Variants in DACH1 observed in about 807,000 individuals in gnomAD.
DACH1 encodes dachshund homolog 1.
A neutral mutation model predicts 54.2 loss-of-function variants in DACH1; 12 were observed. The observed-to-expected ratio is 0.22, with a 90% CI of 0.14 to 0.36. DACH1 has a LOEUF of 0.36. Ranked by LOEUF, DACH1 falls within the 10% of genes least tolerant of loss-of-function variation. DACH1 has a pLI of 1.00. For synonymous variants in DACH1, 386 were observed against 366.2 expected, an observed-to-expected ratio of 1.05 and a Z score of -0.62; for missense variants, 805 against 929.8, an observed-to-expected ratio of 0.87 and a Z score of 1.75.
chr13:71,629,597 C>T (rs1219769706), intron 3 of DACH1, among the ~76,000 whole-genome samples: 1 of 152,020 alleles, frequency 6.6e-6, no homozygotes, highest in African/African-American at 2.4e-5. Context: ...TTAACTATGT[C>T]TTAATGGATT....
rs1436618309 is a variant in DACH1, at chr13:71,439,479, G to T, written c.*1176C>A. ...CATGGTATTGGACTGGTACATCAAGGTTTGTTAGGTTTTGTTTTCAGCAAC... is the reference window on the plus strand; with the variant it reads ...CATGGTATTGGACTGGTACATCAAGTTTTGTTAGGTTTTGTTTTCAGCAAC... On this transcript the variant is annotated 3_prime_UTR_variant, in exon 11 of 11. Coordinates refer to ENST00000613252, the MANE Select transcript of DACH1 (RefSeq NM_080759.6). 3 of 152,454 alleles carry T rather than the reference G, an allele frequency of 2.0e-5. No individual in the cohort carries two copies. In the East Asian group the frequency reaches 5.8e-4, roughly 30 times the overall value. 9.4% of individuals were successfully genotyped at this position (152,454 alleles called of 1,614,324 possible).
chr13:71,458,279 T>C lies in DACH1; in HGVS notation c.2083+16862A>G, dbSNP rs149933089. Among the ~76,000 whole-genome samples the C allele has an allele frequency of 4.4e-3, 675 of 152,000 alleles. 4 individuals are homozygous for C. Among genetic ancestry groups the C allele is most frequent in the Non-Finnish European group, 7.6e-3 (513 of 67,816 alleles). On this transcript the variant is annotated intron_variant, in intron 10 of 10. Coordinates refer to ENST00000613252, the MANE Select transcript of DACH1 (RefSeq NM_080759.6). The stretch of plus-strand genomic sequence containing the variant: ...AATTCCATACTGAGAAACAATCATA[T>C]TTATTTATTTCCTGTTTGCAAAAAT...
rs144785108 is a variant in DACH1, at chr13:71,443,939, G to A, written c.2084-3247C>T. Among the ~76,000 whole-genome samples, 1,304 of 152,124 alleles carry A rather than the reference G, an allele frequency of 8.6e-3. 20 individuals carry two copies. Among genetic ancestry groups the A allele is most frequent in the African/African-American group, 0.029 (1,219 of 41,514 alleles). On this transcript the variant is annotated intron_variant, in intron 10 of 10. Coordinates refer to ENST00000613252, the MANE Select transcript of DACH1 (RefSeq NM_080759.6). ...ATATTGTGTAACATTTATTGTTTTC[G>A]TATGGAATATGGCCTGATTTCTTCC...
intron 10 of DACH1, among the ~76,000 whole-genome samples, chr13:71,444,828 C>G (rs557331791): frequency 2.0e-5 from 3 of 152,180 alleles, no homozygotes; most frequent in African/African-American, 7.2e-5. Context: ...ACTTCCCTCC[C>G]CTAGGTTTAG....
At chr13:71,595,205 G>T (rs1007854060) in intron 3 of DACH1, among the ~76,000 whole-genome samples, 2 of 152,078 alleles carry the variant, frequency 1.3e-5, no homozygotes, top group Non-Finnish European at 1.5e-5. Flanking sequence ...TTAGAGCAAT[G>T]TTAAGGAGCC....
intron 1 of DACH1, among the ~76,000 whole-genome samples, chr13:71,849,263 G>C (rs1677526752): frequency 6.6e-6 from 1 of 152,088 alleles, no homozygotes; most frequent in African/African-American, 2.4e-5. Flanking sequence ...TACTTCCATT[G>C]ACAGTCACAA....
At chr13:71,584,225 T>G (rs1256589297) in intron 3 of DACH1, among the ~76,000 whole-genome samples, 1 of 152,196 alleles carries the variant, frequency 6.6e-6, no homozygotes, top group Non-Finnish European at 1.5e-5. Flanking sequence ...GCTACTAGAC[T>G]AAAACAAAAT....
At chr13:71,772,197 C>A (rs926640327) in intron 1 of DACH1, among the ~76,000 whole-genome samples, 3 of 151,466 alleles carry the variant, frequency 2.0e-5, no homozygotes, top group Non-Finnish European at 3.0e-5. Context: ...AAGGAATAAA[C>A]CTTCTAGTTT....
intron 7 of DACH1, among the ~76,000 whole-genome samples, chr13:71,482,808 T>G (rs1478103350): frequency 6.7e-6 from 1 of 148,588 alleles, no homozygotes; most frequent in African/African-American, 2.5e-5. Context: ...TTTTTTTTTT[T>G]TTTTTTTTGA....
intron 1 of DACH1, among the ~76,000 whole-genome samples, chr13:71,732,089 T>C (rs896770314): frequency 6.6e-6 from 1 of 152,150 alleles, no homozygotes; most frequent in Admixed American, 6.5e-5. Context: ...CCTGCCAATA[T>C]TTGGGGGATC....
chr13:71,724,672 G>A (rs1220646325), intron 1 of DACH1, among the ~76,000 whole-genome samples: 1 of 151,990 alleles, frequency 6.6e-6, no homozygotes, highest in Non-Finnish European at 1.5e-5. Flanking sequence ...CATAGAAAAT[G>A]TATGTTAGTT....
chr13:71,541,698 C>T (rs1883135664), intron 6 of DACH1, among the ~76,000 whole-genome samples: 1 of 151,842 alleles, frequency 6.6e-6, no homozygotes, highest in African/African-American at 2.4e-5. Flanking sequence ...CAAATGAAAA[C>T]ACTGACATTT....
chr13:71,650,185 T>C (rs1878574336), intron 2 of DACH1, among the ~76,000 whole-genome samples: 1 of 152,174 alleles, frequency 6.6e-6, no homozygotes, highest in South Asian at 2.1e-4. Context: ...ATATCATGTG[T>C]ATTTCCCCCA....
At chr13:71,681,991 G>T in intron 1 of DACH1, 81 bp from the exon 2 acceptor site, 1 of 752,248 alleles carries the variant, frequency 1.3e-6, no homozygotes, top group South Asian at 2.1e-5. Flanking sequence ...GTGGTAACAT[G>T]GACTGTAAAT....
intron 6 of DACH1, among the ~76,000 whole-genome samples, chr13:71,551,858 C>T (rs1883837327): frequency 6.6e-6 from 1 of 151,846 alleles, no homozygotes; most frequent in African/African-American, 2.4e-5. Context: ...AGTGCTGTGT[C>T]CTTCACTTTA....
At chr13:71,839,379 G>A (rs1003910872) in intron 1 of DACH1, among the ~76,000 whole-genome samples, 6 of 152,234 alleles carry the variant, frequency 3.9e-5, no homozygotes, top group Admixed American at 6.5e-5. Flanking sequence ...AGGCCAAGGC[G>A]GGTGGATAAT....
rs10659851 is a variant in DACH1, at chr13:71,516,930, T to TTATATATA, written c.1571-27790_1571-27783dup. On this transcript the variant is annotated intron_variant, in intron 6 of 10. Transcript: ENST00000613252. ...TATGCACACACATATATTTTTATGTTTATATATATATATATGATTTGAGAC... is the reference window on the plus strand; with the variant it reads ...TATGCACACACATATATTTTTATGTTTATATATATATATATATATATATGATTTGAGAC... Among the ~76,000 whole-genome samples, 647 of 147,970 alleles carry TTATATATA rather than the reference T, an allele frequency of 4.4e-3. 3 individuals are homozygous for TTATATATA. The highest frequency in any genetic ancestry group is 7.6e-3 in the Non-Finnish European group (506 of 66,740).
intron 2 of DACH1, among the ~76,000 whole-genome samples, chr13:71,667,998 G>A (rs1879958046): frequency 6.6e-6 from 1 of 151,962 alleles, no homozygotes; most frequent in South Asian, 2.1e-4. Context: ...GGCATTTACT[G>A]CTTTAATAGA....
chr13:71,475,632 A>G (rs1404860220), intron 9 of DACH1, 74 bp downstream of exon 9: 29 of 1,487,926 alleles, frequency 1.9e-5, no homozygotes, highest in Non-Finnish European at 2.6e-5. Flanking sequence ...ATACAAAACT[A>G]CAAACACATG....
Sources: gnomAD v4.1 joint callset for allele counts (sites outside exome capture counted in the v4.1 genomes callset) on GRCh38, gnomAD v4.1.1 for gene constraint, MANE v1.5 for transcripts, NCBI Gene and HGNC (gene_info 2026-07-23, HGNC 2026-07-21) for gene names.